The following DACH1 variants were observed in gnomAD, a reference collection of about 807,000 sequenced individuals.
DACH1 encodes dachshund family transcription factor 1.
A neutral mutation model predicts 54.2 loss-of-function variants in DACH1; 12 were observed. The ratio of observed to expected loss-of-function variants is 0.22; its 90% CI spans 0.14 to 0.36. The LOEUF (loss-of-function observed/expected upper bound fraction) is 0.36, where lower values mean the gene tolerates loss of function less well. Among genes scored for constraint, DACH1 ranks in the 10% least tolerant of loss-of-function variants. DACH1 has a pLI of 1.00. For missense variants in DACH1, 805 were observed against 929.8 expected (o/e 0.87, Z 1.75); for synonymous variants, 386 against 366.2 (o/e 1.05, Z -0.62).
intron 1 of DACH1, among the ~76,000 whole-genome samples, chr13:71,736,645 A>C (rs1884135107): frequency 1.3e-5 from 2 of 152,194 alleles, no homozygotes; most frequent in South Asian, 4.1e-4. Flanking sequence ...AGAGGGAGTC[A>C]AATCAATATG....
At chr13:71,540,784 A>C (rs1158407045) in intron 6 of DACH1, among the ~76,000 whole-genome samples, 1 of 152,020 alleles carries the variant, frequency 6.6e-6, no homozygotes, top group African/African-American at 2.4e-5. Context: ...TTAGTCTATG[A>C]CAAAAATATC....
chr13:71,658,044 C>G (rs150013751), intron 2 of DACH1, among the ~76,000 whole-genome samples: 1 of 152,266 alleles, frequency 6.6e-6, no homozygotes, highest in East Asian at 1.9e-4. Flanking sequence ...TGTTCAGTGA[C>G]TCAAAATAAA....
intron 6 of DACH1, among the ~76,000 whole-genome samples, chr13:71,528,887 T>C (rs755758872): frequency 2.4e-4 from 36 of 152,196 alleles, no homozygotes; most frequent in Admixed American, 6.5e-4. Flanking sequence ...ATATTAATAT[T>C]AAAAATAGGC....
At chr13:71,443,694 A>C (rs1874205122) in intron 10 of DACH1, among the ~76,000 whole-genome samples, 1 of 152,136 alleles carries the variant, frequency 6.6e-6, no homozygotes. Context: ...CTCTCTGTAG[A>C]TATGTGTAGA....
At chr13:71,862,926 T>A (rs1206317337) in intron 1 of DACH1, among the ~76,000 whole-genome samples, 1 of 152,066 alleles carries the variant, frequency 6.6e-6, no homozygotes, top group Admixed American at 6.6e-5. Context: ...TACACACATA[T>A]ATGGGTGTAT....
intron 6 of DACH1, among the ~76,000 whole-genome samples, chr13:71,505,490 CTGTG>C (rs149178068): frequency 2.6e-5 from 4 of 151,464 alleles, no homozygotes; most frequent in Non-Finnish European, 4.4e-5. Flanking sequence ...AAAGCAGATT[CTGTG>C]TGTGTGTGTG....
intron 1 of DACH1, among the ~76,000 whole-genome samples, chr13:71,735,826 T>A (rs570260704): frequency 5.9e-5 from 9 of 152,070 alleles, no homozygotes; most frequent in African/African-American, 9.7e-5. Flanking sequence ...TGTTTTATTA[T>A]AATTAATCTA....
At chr13:71,596,512 T>C (rs1296585247) in intron 3 of DACH1, among the ~76,000 whole-genome samples, 1 of 152,198 alleles carries the variant, frequency 6.6e-6, no homozygotes, top group African/African-American at 2.4e-5. Flanking sequence ...ATAACTGTGC[T>C]AGAAATATAT....
intron 3 of DACH1, among the ~76,000 whole-genome samples, chr13:71,578,898 C>T (rs1185907523): frequency 6.6e-6 from 1 of 152,006 alleles, no homozygotes. Context: ...TTCTGCTTGG[C>T]TTAATATTCT....
intron 1 of DACH1, among the ~76,000 whole-genome samples, chr13:71,716,870 G>C (rs1359946881): frequency 6.6e-6 from 1 of 152,036 alleles, no homozygotes; most frequent in Non-Finnish European, 1.5e-5. Flanking sequence ...TATATGTGCA[G>C]GTTTGTTACA....
At chr13:71,730,270 G>T (rs1279066416) in intron 1 of DACH1, among the ~76,000 whole-genome samples, 1 of 151,800 alleles carries the variant, frequency 6.6e-6, no homozygotes, top group African/African-American at 2.4e-5. Flanking sequence ...TCTAAGAAAG[G>T]CAGAAGTCAT....
chr13:71,582,513 T>C (rs1291701632), intron 3 of DACH1, among the ~76,000 whole-genome samples: 3 of 152,148 alleles, frequency 2.0e-5, no homozygotes, highest in Non-Finnish European at 1.5e-5. Flanking sequence ...AAATGTGCCA[T>C]TAGTCCAACT....
intron 1 of DACH1, among the ~76,000 whole-genome samples, chr13:71,815,281 T>G (rs1887865674): frequency 6.9e-6 from 1 of 144,944 alleles, no homozygotes. Context: ...CAGACTGTTT[T>G]CTAGGTGTGG....
intron 4 of DACH1, among the ~76,000 whole-genome samples, chr13:71,567,364 A>G (rs1884952693): frequency 6.6e-6 from 1 of 152,076 alleles, no homozygotes. Context: ...TGCTTTGCAT[A>G]CTATGCACTA....
In DACH1 at chr13:71,569,420, A is replaced by G. The variant is rs56194877; in HGVS notation, c.1299+3420T>C. 8.2e-3 allele frequency among the ~76,000 whole-genome samples: 1,247 copies of G among 152,234 alleles called. 15 individuals carry two copies. Among genetic ancestry groups the G allele is most frequent in the African/African-American group, 0.027 (1,120 of 41,534 alleles). ...CCCAGAAAAAACTTTATTTACCAAC[A>G]CTACATTTTGAATTTCATATAATTC... On this transcript the variant is annotated intron_variant, in intron 4 of 10. Transcript: ENST00000613252.
intron 1 of DACH1, among the ~76,000 whole-genome samples, chr13:71,756,345 A>C (rs1213827037): frequency 6.6e-6 from 1 of 152,014 alleles, no homozygotes; most frequent in African/African-American, 2.4e-5. Flanking sequence ...GCACCCGGCC[A>C]AGACATTTAA....
At chr13:71,534,974 G>A (rs952115726) in intron 6 of DACH1, among the ~76,000 whole-genome samples, 2 of 151,604 alleles carry the variant, frequency 1.3e-5, no homozygotes, top group Non-Finnish European at 3.0e-5. Flanking sequence ...AAAGAGGTGA[G>A]GAACAAGCTA....
chr13:71,597,809 A>G (rs1945855326), intron 3 of DACH1, among the ~76,000 whole-genome samples: 1 of 152,132 alleles, frequency 6.6e-6, no homozygotes, highest in Admixed American at 6.5e-5. Flanking sequence ...TAACAAGAGG[A>G]TAATTGTTTT....
At chr13:71,602,823 T>C (rs1325742990) in intron 3 of DACH1, among the ~76,000 whole-genome samples, 2 of 152,068 alleles carry the variant, frequency 1.3e-5, no homozygotes, top group African/African-American at 4.8e-5. Flanking sequence ...AATAAATGTG[T>C]GAGTCCACAT....
Sources: allele counts gnomAD v4.1 joint callset (sites outside exome capture counted in the v4.1 genomes callset), GRCh38; gene constraint gnomAD v4.1.1; transcripts MANE v1.5; gene names NCBI Gene and HGNC (gene_info 2026-07-23, HGNC 2026-07-21).